The following CCN4 variants were observed in gnomAD, a reference collection of about 807,000 sequenced individuals.
CCN4 encodes CCN family member 4.
CCN4 carries 30 observed loss-of-function variants against 36.7 expected under a neutral mutation model. That is an observed-to-expected ratio of 0.82 (90% confidence interval 0.61 to 1.11). The LOEUF (loss-of-function observed/expected upper bound fraction) is 1.11. CCN4 is among the 50% of genes least tolerant of loss of function. The pLI is 0.00. For synonymous variants in CCN4, 191 were observed against 195.4 expected, an observed-to-expected ratio of 0.98 and a Z score of 0.19; for missense variants, 505 against 504.9, an observed-to-expected ratio of 1.00 and a Z score of 0.00.
Position 133,212,864 on chromosome 8 carries a change from G to C in CCN4, c.70G>C (p.Ala24Pro). 6.4e-7 allele frequency: 1 copy of C among 1,572,392 alleles called. No individual in the cohort carries two copies. The highest frequency in any genetic ancestry group is 8.7e-7 in the Non-Finnish European group (1 of 1,150,914). The stretch of plus-strand genomic sequence containing the variant: ...CTTTCCCTCTGCCCTCCCCCCGCAG[G>C]CCCTCTCTCCAGCCCCTACGACCAT... ...AAAASTVLAT[A>P]LSPAPTTMDF... is the part of the protein sequence containing the mutation. The change falls in exon 2 of 5, where the codon GCC becomes CCC. Residue 24 changes from alanine (A) to proline (P), a missense_variant and splice_region_variant. Ala to Pro is a conservative substitution (Grantham distance 27). Transcript: ENST00000250160.
intron 1 of CCN4, 37 bp downstream of exon 1, chr8:133,191,250 G>A: frequency 6.3e-7 from 1 of 1,588,628 alleles, no homozygotes; most frequent in Non-Finnish European, 8.5e-7. Context: ...GGGAGACCCA[G>A]CTCCCTTCTC....
chr8:133,226,930 C>G (rs1854757160), intron 4 of CCN4, among the ~76,000 whole-genome samples: 1 of 152,194 alleles, frequency 6.6e-6, no homozygotes, highest in Non-Finnish European at 1.5e-5. Flanking sequence ...CCTTTAATGT[C>G]AACCATTTGA....
chr8:133,198,433 G>T (rs1318297255), intron 1 of CCN4, among the ~76,000 whole-genome samples: 1 of 152,154 alleles, frequency 6.6e-6, no homozygotes, highest in African/African-American at 2.4e-5. Flanking sequence ...CCATCTCAGT[G>T]GTTTCCCAAT....
Position 133,229,590 on chromosome 8 carries a change from A to G in CCN4, c.*1880A>G, listed in dbSNP as rs1359538456. On this transcript the variant is annotated 3_prime_UTR_variant, in exon 5 of 5. Transcript: ENST00000250160. ...CTGTGCAGTGTGCAGAGAGATTCCT[A>G]AACGGGAAAAGGACTGGGAATACAT... 7 of 152,364 alleles carry G rather than the reference A, an allele frequency of 4.6e-5. No homozygotes were observed. Among genetic ancestry groups the G allele is most frequent in the African/African-American group, 1.7e-4 (7 of 41,586 alleles). The allele number at this position is 152,364 out of a possible 1,614,324, so 9.4% of individuals were successfully genotyped here. A position where few individuals can be genotyped will look rare whatever the true frequency, so the allele number is the denominator to read the frequency against.
At chr8:133,215,511 A>G (rs1854287569) in intron 2 of CCN4, among the ~76,000 whole-genome samples, 1 of 152,210 alleles carries the variant, frequency 6.6e-6, no homozygotes, top group Non-Finnish European at 1.5e-5. Flanking sequence ...GTCATCTGCC[A>G]GGCACCACTC....
intron 2 of CCN4, among the ~76,000 whole-genome samples, chr8:133,214,706 C>T (rs571896225): frequency 6.6e-6 from 1 of 152,210 alleles, no homozygotes; most frequent in African/African-American, 2.4e-5. Context: ...AGAGAGCTAC[C>T]TAGGTATTAT....
chr8:133,205,831 C>T (rs1426894986), intron 1 of CCN4, among the ~76,000 whole-genome samples: 4 of 152,156 alleles, frequency 2.6e-5, no homozygotes, highest in Non-Finnish European at 5.9e-5. Flanking sequence ...TATTGTTTAG[C>T]TGCAAAAAGA....
intron 1 of CCN4, among the ~76,000 whole-genome samples, chr8:133,206,503 A>T (rs1853778140): frequency 6.6e-6 from 1 of 152,196 alleles, no homozygotes; most frequent in African/African-American, 2.4e-5. Context: ...GGGGGGTGGA[A>T]AAAGAGAACC....
rs1431832116 is a variant in CCN4, at chr8:133,229,430, C to A, written c.*1720C>A. On this transcript the variant is annotated 3_prime_UTR_variant, in exon 5 of 5. Transcript: ENST00000250160. ...GCTTAAGCATCCAAAATACATGGGA[C>A]ACACAAAAATCCAGGAATCCCCTGT... is the stretch of plus-strand genomic sequence containing the variant. 6.6e-6 allele frequency: 1 copy of A among 152,168 alleles called. No homozygotes were observed. Among genetic ancestry groups the A allele is most frequent in the African/African-American group, 2.4e-5 (1 of 41,434 alleles). The allele number at this position is 152,168 out of a possible 1,614,324, so 9.4% of individuals were successfully genotyped here.
intron 3 of CCN4, 148 bp downstream of exon 3, chr8:133,220,989 C>A: frequency 9.3e-7 from 1 of 1,077,702 alleles, no homozygotes; most frequent in East Asian, 2.6e-5. Flanking sequence ...TCCCCTGAGA[C>A]CCTATTTCCC....
chr8:133,194,319 A>AGGG (rs1317941534), intron 1 of CCN4, among the ~76,000 whole-genome samples: 1 of 43,178 alleles, frequency 2.3e-5, no homozygotes, highest in Admixed American at 3.3e-4. Flanking sequence ...GTGTGTGTGT[A>AGGG]TGTGTGTGCC....
chr8:133,211,929 A>G (rs1854056628), intron 1 of CCN4, among the ~76,000 whole-genome samples: 2 of 152,212 alleles, frequency 1.3e-5, no homozygotes, highest in African/African-American at 2.4e-5. Context: ...ACAGCAGGTG[A>G]CTGGGTGCTG....
intron 2 of CCN4, 102 bp downstream of exon 2, chr8:133,213,245 G>C (rs2130582104): frequency 7.1e-7 from 1 of 1,408,266 alleles, no homozygotes; most frequent in Non-Finnish European, 9.7e-7. Flanking sequence ...ACCTGGCCAG[G>C]CTTCCGTTCA....
rs1425258521 is a variant in CCN4, at chr8:133,228,927, G to C, written c.*1217G>C. ...AGAAACAGAAATAGACTTAATAAAG[G>C]TTTAAAGCTGAAGAGGTTGAAGCTA... On this transcript the variant is annotated 3_prime_UTR_variant, in exon 5 of 5. Transcript: ENST00000250160. 6.6e-6 allele frequency: 1 copy of C among 152,204 alleles called. No homozygotes were observed. Among genetic ancestry groups the C allele is most frequent in the African/African-American group, 2.4e-5 (1 of 41,452 alleles). 9.4% of individuals were successfully genotyped at this position (152,204 alleles called of 1,614,324 possible). A position where few individuals can be genotyped will look rare whatever the true frequency, so the allele number is the denominator to read the frequency against.
intron 1 of CCN4, among the ~76,000 whole-genome samples, chr8:133,207,787 C>A (rs879731611): frequency 5.9e-5 from 9 of 152,166 alleles, no homozygotes; most frequent in Non-Finnish European, 1.0e-4. Context: ...AGATGGGCGG[C>A]ATGTGGTTTC....
At chr8:133,204,162 C>G (rs1472411306) in intron 1 of CCN4, among the ~76,000 whole-genome samples, 1 of 152,190 alleles carries the variant, frequency 6.6e-6, no homozygotes, top group Non-Finnish European at 1.5e-5. Flanking sequence ...GGGGTCTTAT[C>G]ATCGGGAGAT....
At chr8:133,222,843 C>T (rs991656484) in intron 3 of CCN4, among the ~76,000 whole-genome samples, 3 of 151,682 alleles carry the variant, frequency 2.0e-5, no homozygotes, top group Non-Finnish European at 2.9e-5. Context: ...TGCTCAGGGA[C>T]GGTGTGGGGC....
rs1386903349 is a variant in CCN4, at chr8:133,229,765, AAC to A, written c.*2057_*2058del. The A allele has an allele frequency of 1.3e-5, 2 of 152,254 alleles. No individual in the cohort carries two copies. Among genetic ancestry groups the A allele is most frequent in the East Asian group, 1.9e-4 (1 of 5,206 alleles). 9.4% of individuals were successfully genotyped at this position (152,254 alleles called of 1,614,324 possible). ...CAAAGCTACATGAAAATAGAATTTTAACAGTCAAAATTTTATATTAAGTGCCT... is the reference window on the plus strand; with the variant it reads ...CAAAGCTACATGAAAATAGAATTTTAAGTCAAAATTTTATATTAAGTGCCT... On this transcript the variant is annotated 3_prime_UTR_variant, in exon 5 of 5. Coordinates refer to ENST00000250160, the MANE Select transcript of CCN4 (RefSeq NM_003882.4).
At chr8:133,225,105 G>A (rs1796269150) in intron 3 of CCN4, among the ~76,000 whole-genome samples, 1 of 152,190 alleles carries the variant, frequency 6.6e-6, no homozygotes, top group Non-Finnish European at 1.5e-5. Context: ...CTTGTAGGTG[G>A]TAGAGCAGAA....
Sources: gnomAD v4.1 joint callset for allele counts (sites outside exome capture counted in the v4.1 genomes callset) on GRCh38, gnomAD v4.1.1 for gene constraint, MANE v1.5 for transcripts, NCBI Gene and HGNC (gene_info 2026-07-23, HGNC 2026-07-21) for gene names.